Variants in UBR4 observed in about 807,000 individuals in gnomAD.
UBR4 encodes the protein E3 ubiquitin-protein ligase UBR4.
In UBR4, 124 loss-of-function variants were observed where a neutral mutation model predicts 575.6. The ratio of observed to expected loss-of-function variants is 0.22; its 90% CI spans 0.19 to 0.25. The LOEUF is 0.25. Among genes scored for constraint, UBR4 ranks in the 10% least tolerant of loss-of-function variants. UBR4 has a pLI of 1.00. For missense variants in UBR4, 4,818 were observed against 6,478.8 expected (o/e 0.74, Z 8.80); for synonymous variants, 2,455 against 2,473.7 (o/e 0.99, Z 0.22).
rs1243279646 is a variant in UBR4 at position 19,198,817 on chromosome 1, C to G, written c.490G>C (p.Val164Leu). ...MMKSAKLPQT[V>L]KTLSDVEDQK... ...CACCCACCGTCTGAAAGTGTCTTCA[C>G]TGTTTGGGGCAGCTTGGCGGATTTC... is the stretch of plus-strand genomic sequence containing the variant. The change falls in exon 4 of 106, where the codon GTG (valine) becomes CTG (leucine). Residue 164 changes from valine to leucine, a missense_variant. Transcript: ENST00000375254. The G allele has an allele frequency of 6.2e-7, 1 of 1,614,226 alleles. No homozygotes were observed. The highest frequency in any genetic ancestry group is 2.2e-5 in the East Asian group (1 of 44,890).
rs1188282264 is a variant in UBR4, at chr1:19,093,471, G to A, written c.13953C>T (p.His4651=). Reference sequence around the variant, plus strand: ...CCAGGAAGACTTTATCATCACCACTGTGATCTTCATCATATCTAGGAGGAA... The same window carrying A: ...CCAGGAAGACTTTATCATCACCACTATGATCTTCATCATATCTAGGAGGAA... ...YCNFDKYDED[H]SGDDKVFLDC... Residue 4651 remains histidine (H), a synonymous_variant, in exon 96 of 106, where the codon CAC becomes CAT. Coordinates refer to ENST00000375254, the MANE Select transcript of UBR4 (RefSeq NM_020765.3). The surrounding 1 kb of genome is among the most constrained non-coding windows in gnomAD (Gnocchi z 4.8). 1 of 1,614,140 alleles carries A rather than the reference G, an allele frequency of 6.2e-7. No individual in the cohort carries two copies. Among genetic ancestry groups the A allele is most frequent in the Non-Finnish European group, 8.5e-7 (1 of 1,180,026 alleles).
intron 103 of UBR4, chr1:19,079,751 CT>C (rs1342343015): frequency 6.6e-6 from 1 of 152,322 alleles, no homozygotes; most frequent in Non-Finnish European, 1.5e-5. Flanking sequence ...AGTGCCTTTC[CT>C]AGTCTGCCTG....
chr1:19,194,998 C>T (rs866747456), intron 8 of UBR4, among the ~76,000 whole-genome samples: 29 of 151,622 alleles, frequency 1.9e-4, no homozygotes, highest in African/African-American at 5.6e-4. Flanking sequence ...CGGTGGCTCA[C>T]GCTTGTAATC....
At position 19,120,270 on chromosome 1, in the gene UBR4, G is replaced by C; in HGVS notation, c.10220C>G (p.Thr3407Ser). The change falls in exon 69 of 106, where the codon ACC (threonine) becomes AGC (serine). Residue 3407 changes from threonine (T) to serine (S), a missense_variant. Thr to Ser is a moderately conservative substitution (Grantham distance 58). Coordinates refer to ENST00000375254, the MANE Select transcript of UBR4 (RefSeq NM_020765.3). The stretch of plus-strand genomic sequence containing the variant: ...GAAACAACGCAGGAACTGGATCAGG[G>C]TTTCCTTATCGGCAAATTTGTTCAG... ...NQLNKFADKETLIQFLRCFLL... is the reference protein window; with the variant it reads ...NQLNKFADKESLIQFLRCFLL... The C allele has an allele frequency of 6.2e-7, 1 of 1,614,152 alleles. No individual in the cohort carries two copies. Among genetic ancestry groups the C allele is most frequent in the Non-Finnish European group, 8.5e-7 (1 of 1,180,036 alleles).
At chr1:19,172,257 C>T (rs756833059) in intron 25 of UBR4, among the ~76,000 whole-genome samples, 1 of 152,032 alleles carries the variant, frequency 6.6e-6, no homozygotes, top group Non-Finnish European at 1.5e-5. Flanking sequence ...TGGCTCATGC[C>T]TGTAATCCCA....
intron 8 of UBR4, 30 bp from the exon 9 acceptor site, chr1:19,193,587 A>G (rs2092260869): frequency 1.3e-6 from 2 of 1,586,532 alleles, no homozygotes; most frequent in Non-Finnish European, 1.7e-6. Context: ...GGTCTCAGCC[A>G]TGGAGTGCAT....
rs760499262 is a variant in UBR4 at position 19,163,771 on chromosome 1, T to C, written c.4757A>G (p.His1586Arg). 2 of 1,614,172 alleles carry C rather than the reference T, an allele frequency of 1.2e-6. No homozygotes were observed. The highest frequency in any genetic ancestry group is 1.7e-6 in the Non-Finnish European group (2 of 1,180,004). Residue 1586 changes from histidine to arginine, a missense_variant, in exon 34 of 106, where the codon CAT (histidine) becomes CGT (arginine). His to Arg is a conservative substitution (Grantham distance 29, BLOSUM62 0). This residue lies in a region of UBR4 where 1,172 missense variants were observed against 1,259.7 expected (regional missense o/e 0.93). Transcript: ENST00000375254. ...ATTCCTCACTTTTCTTACCTTTCCA[T>C]GCATTACATTGGCATTCAGTTTTTC... The part of the protein sequence containing the change: ...VVEKLNANVM[H>R]GKHVMILECT...
At chr1:19,125,116 C>T (rs910246313) in intron 64 of UBR4, among the ~76,000 whole-genome samples, 2 of 152,042 alleles carry the variant, frequency 1.3e-5, no homozygotes, top group Non-Finnish European at 2.9e-5. Flanking sequence ...GTTAAATAAA[C>T]CAAGGTGGGC....
intron 103 of UBR4, chr1:19,080,289 C>T (rs925815114): frequency 2.6e-5 from 4 of 152,210 alleles, no homozygotes; most frequent in Non-Finnish European, 5.9e-5. Context: ...CTCCCACTCT[C>T]CAGTGATGAT....
chr1:19,154,792 G>GA, intron 44 of UBR4, 126 bp downstream of exon 44: 3 of 1,377,682 alleles, frequency 2.2e-6, no homozygotes, highest in East Asian at 2.3e-5. Context: ...TAGCAGGGGA[G>GA]AAAAAAAGGT....
At position 19,124,584 on chromosome 1, in the gene UBR4, G is replaced by A. The variant is rs1465484271; in HGVS notation, c.9545C>T (p.Pro3182Leu). 1.2e-6 allele frequency: 2 copies of A among 1,614,208 alleles called. No homozygotes were observed. The highest frequency in any genetic ancestry group is 1.7e-6 in the Non-Finnish European group (2 of 1,180,034). The change falls in exon 65 of 106, where the codon CCA becomes CTA. Residue 3182 changes from proline to leucine, a missense_variant. By Grantham distance (98) the Pro-to-Leu change is moderately conservative. Transcript: ENST00000375254. ...CCACGAGTGGTCAAAGACAGGAGGT[G>A]GGATTCGAGAATTGGTGTCAGTAAT... ...KKITDTNSRIPPPVFDHSWFY... is the reference protein window; with the variant it reads ...KKITDTNSRILPPVFDHSWFY...
intron 17 of UBR4, among the ~76,000 whole-genome samples, chr1:19,182,430 A>G (rs1475657014): frequency 1.3e-5 from 2 of 151,880 alleles, no homozygotes; most frequent in Non-Finnish European, 2.9e-5. Flanking sequence ...ATAGCATACT[A>G]CAGCCTCAAA....
intron 60 of UBR4, among the ~76,000 whole-genome samples, chr1:19,132,088 T>C (rs2082537833): frequency 6.6e-6 from 1 of 152,154 alleles, no homozygotes; most frequent in Admixed American, 6.5e-5. Context: ...TACAGCATTA[T>C]CAAAACACAA....
At chr1:19,108,971 A>C (rs374862823) in intron 81 of UBR4, among the ~76,000 whole-genome samples, 18 of 152,320 alleles carry the variant, frequency 1.2e-4, no homozygotes, top group Middle Eastern at 3.4e-3. Context: ...TCCTCTTCTC[A>C]ACCAAGGGCT....
chr1:19,115,617 G>A lies in UBR4; in HGVS notation c.10844C>T (p.Ala3615Val). ...LKNKPARWHKAKKVQLTPGQT... is the reference protein window; with the variant it reads ...LKNKPARWHKVKKVQLTPGQT... The stretch of plus-strand genomic sequence containing the variant: ...TCCAGGGGTCAGCTGAACCTTCTTG[G>A]CTTTGTGCCAGCGAGCTGGCCTAGG... The change falls in exon 74 of 106, where the codon GCC (alanine) becomes GTC (valine). Residue 3615 changes from alanine (A) to valine (V), a missense_variant. By Grantham distance (64) the Ala-to-Val change is moderately conservative. Around this residue, in one of 29 missense-constraint regions of UBR4, gnomAD observed 550 missense variants for 791.5 expected, o/e 0.69. Coordinates refer to ENST00000375254, the MANE Select transcript of UBR4 (RefSeq NM_020765.3). 1 of 1,614,134 alleles carries A rather than the reference G, an allele frequency of 6.2e-7. No homozygotes were observed. Among genetic ancestry groups the A allele is most frequent in the Non-Finnish European group, 8.5e-7 (1 of 1,180,002 alleles).
At chr1:19,099,472 C>T in intron 90 of UBR4, 125 bp downstream of exon 90, 2 of 791,404 alleles carry the variant, frequency 2.5e-6, no homozygotes, top group Non-Finnish European at 4.1e-6. Flanking sequence ...CAAACAGGGA[C>T]AGTAAAGCCT....
chr1:19,086,369 C>T, intron 100 of UBR4, 99 bp from the exon 101 acceptor site: 4 of 1,368,424 alleles, frequency 2.9e-6, no homozygotes, highest in Non-Finnish European at 2.9e-6. Flanking sequence ...GGCATGCCAA[C>T]ACTAAGAAGT....
chr1:19,198,378 G>A (rs2092580079), intron 5 of UBR4, among the ~76,000 whole-genome samples, 163 bp downstream of exon 5: 1 of 152,068 alleles, frequency 6.6e-6, no homozygotes, highest in African/African-American at 2.4e-5. Context: ...AAGGAGTTGG[G>A]GTGAATTTTA....
intron 78 of UBR4, chr1:19,112,245 C>A (rs1255931656): frequency 2.5e-6 from 1 of 397,872 alleles, no homozygotes; most frequent in Non-Finnish European, 4.5e-6. Context: ...TGTCTCCCTT[C>A]CCTTCCCTCA....
Sources: gnomAD v4.1 joint callset for allele counts (sites outside exome capture counted in the v4.1 genomes callset) on GRCh38, gnomAD v4.1.1 for gene constraint, gnomAD v4.1.1 regional missense constraint, Gnocchi (gnomAD v3.1) non-coding constraint, MANE v1.5 for transcripts, NCBI Gene and HGNC (gene_info 2026-07-23, HGNC 2026-07-21) for gene names.